The following SNX27 variants were observed in gnomAD, a reference collection of about 807,000 sequenced individuals.
SNX27 encodes the protein sorting nexin-27.
SNX27 carries 22 observed loss-of-function variants against 71.6 expected under a neutral mutation model. That is an observed-to-expected ratio of 0.31 (90% confidence interval 0.22 to 0.44). SNX27 has a LOEUF of 0.44. SNX27 is among the 20% of genes least tolerant of loss of function. SNX27 has a pLI of 1.00. For synonymous variants in SNX27, 269 were observed against 277.2 expected, an observed-to-expected ratio of 0.97 and a Z score of 0.29; for missense variants, 531 against 698.6, an observed-to-expected ratio of 0.76 and a Z score of 2.70.
intron 11 of SNX27, 118 bp downstream of exon 11, chr1:151,693,601 G>GT (rs756293705): frequency 1.5e-4 from 238 of 1,613,900 alleles, no homozygotes; most frequent in Non-Finnish European, 1.1e-4. Context: ...AGGAATATTA[G>GT]TTAGAGACTG....
intron 1 of SNX27, among the ~76,000 whole-genome samples, chr1:151,624,452 G>A (rs1456726907): frequency 4.1e-5 from 5 of 122,442 alleles, no homozygotes; most frequent in Non-Finnish European, 8.3e-5. Flanking sequence ...TTTTTTTTGC[G>A]ATGGAGTCTT....
chr1:151,694,525 C>T lies in SNX27; in HGVS notation c.*108C>T, dbSNP rs1671615915. On this transcript the variant is annotated 3_prime_UTR_variant, in exon 12 of 12. Transcript: ENST00000458013. ...AAAAAAGAAGAGAAAAAGTTAAAGTCGTTATATTCAAAAGCCCTAAACTAA... is the reference window on the plus strand; with the variant it reads ...AAAAAAGAAGAGAAAAAGTTAAAGTTGTTATATTCAAAAGCCCTAAACTAA... 12 of 1,167,102 alleles carry T rather than the reference C, an allele frequency of 1.0e-5. No individual in the cohort carries two copies. The highest frequency in any genetic ancestry group is 8.6e-5 in the Admixed American group (3 of 34,734). The allele number at this position is 1,167,102 out of a possible 1,614,324, so 72.3% of individuals were successfully genotyped here.
At chr1:151,666,066 C>A in intron 6 of SNX27, 55 bp downstream of exon 6, 1 of 1,390,024 alleles carries the variant, frequency 7.2e-7, no homozygotes, top group Non-Finnish European at 1.0e-6. Flanking sequence ...GAGAAAGAAA[C>A]ATTTACCTAG....
At chr1:151,631,541 A>G (rs1458955172) in intron 1 of SNX27, among the ~76,000 whole-genome samples, 1 of 152,216 alleles carries the variant, frequency 6.6e-6, no homozygotes, top group Admixed American at 6.5e-5. Flanking sequence ...TATAGTTTTC[A>G]TAAATATTTT....
At chr1:151,662,321 A>ATAATT in intron 5 of SNX27, 51 bp downstream of exon 5, 1 of 1,275,014 alleles carries the variant, frequency 7.8e-7, no homozygotes, top group Non-Finnish European at 1.1e-6. Context: ...GAAGCTAAGG[A>ATAATT]AGATAGATTA....
intron 10 of SNX27, 175 bp from the exon 11 acceptor site, chr1:151,693,249 A>G (rs1282705774): frequency 1.1e-6 from 1 of 901,948 alleles, no homozygotes; most frequent in Admixed American, 2.6e-5. Flanking sequence ...CGTAGTTACC[A>G]CTAGAAGGAG....
chr1:151,693,448 G>A lies in SNX27; in HGVS notation c.1543G>A (p.Glu515Lys). 1 of 1,614,130 alleles carries A rather than the reference G, an allele frequency of 6.2e-7. No individual in the cohort carries two copies. The highest frequency in any genetic ancestry group is 1.1e-5 in the South Asian group (1 of 91,084). ...PYFNYMHECF[E>K]RVFCELKWRK... is the part of the protein sequence containing the mutation. Reference sequence around the variant, plus strand: ...GTTCAATTACATGCATGAGTGCTTCGAGAGGGTGTTCTGCGAGCTCAAGTG... The same window carrying A: ...GTTCAATTACATGCATGAGTGCTTCAAGAGGGTGTTCTGCGAGCTCAAGTG... Residue 515 changes from glutamate to lysine, a missense_variant, in exon 11 of 12, where the codon GAG becomes AAG. Glu to Lys is a moderately conservative substitution (Grantham distance 56, BLOSUM62 1). Transcript: ENST00000458013.
At chr1:151,646,798 T>C (rs1451654246) in intron 2 of SNX27, among the ~76,000 whole-genome samples, 2 of 151,798 alleles carry the variant, frequency 1.3e-5, no homozygotes, top group East Asian at 3.8e-4. Context: ...TTTACCCCAC[T>C]GTAGTTATAG....
In SNX27 at chr1:151,612,215, A is replaced by T; in HGVS notation, c.14A>T (p.Asp5Val). Residue 5 changes from aspartate to valine, a missense_variant, in exon 1 of 12, where the codon GAC becomes GTC. Asp to Val is a radical substitution (Grantham distance 152). Around this residue, in one of 5 missense-constraint regions of SNX27, gnomAD observed 130 missense variants for 143.5 expected, o/e 0.91. Coordinates refer to ENST00000458013, the MANE Select transcript of SNX27 (RefSeq NM_001330723.2). This position sits in a 1 kb window ranked among gnomAD's most constrained non-coding sequence, Gnocchi z 5.2. MADE[D>V]GEGIHPSAPH... ...CCTGCTCGCAAGATGGCGGACGAGG[A>T]CGGGGAAGGGATTCATCCCTCAGCC... is the stretch of plus-strand genomic sequence containing the variant. The T allele has an allele frequency of 2.2e-6, 3 of 1,356,312 alleles. No individual in the cohort carries two copies. In the South Asian group the frequency reaches 5.2e-5, roughly 23 times the overall value. 84.0% of individuals were successfully genotyped at this position (1,356,312 alleles called of 1,614,324 possible). A position where few individuals can be genotyped will look rare whatever the true frequency, so the allele number is the denominator to read the frequency against.
chr1:151,638,119 C>T (rs558758136), intron 1 of SNX27, among the ~76,000 whole-genome samples: 1 of 152,236 alleles, frequency 6.6e-6, no homozygotes, highest in East Asian at 1.9e-4. Flanking sequence ...GCCTTTTGTA[C>T]ACAGCAAAAC....
At position 151,692,935 on chromosome 1, in the gene SNX27, G is replaced by C. The variant is rs772482362; in HGVS notation, c.1414G>C (p.Asp472His). The change falls in exon 10 of 12, where the codon GAT becomes CAT. Residue 472 changes from aspartate (D) to histidine (H), a missense_variant. This residue lies in a region of SNX27 where 157 missense variants were observed against 178.4 expected (regional missense o/e 0.88). Coordinates refer to ENST00000458013, the MANE Select transcript of SNX27 (RefSeq NM_001330723.2). Reference sequence around the variant, plus strand: ...GAACCAGGTAATTGCATTTGAATGGGATGAGATGCAGCGATGGGACACAGA... The same window carrying C: ...GAACCAGGTAATTGCATTTGAATGGCATGAGATGCAGCGATGGGACACAGA... The part of the protein sequence containing the change: ...LENQVIAFEW[D>H]EMQRWDTDEE... The C allele has an allele frequency of 6.2e-7, 1 of 1,614,156 alleles. No homozygotes were observed. The highest frequency in any genetic ancestry group is 1.1e-5 in the South Asian group (1 of 91,080).
At chr1:151,649,744 CATCCAGGCTGGAGTGCAATGGTGCAATA>C (rs1161783823) in intron 2 of SNX27, among the ~76,000 whole-genome samples, 1 of 152,110 alleles carries the variant, frequency 6.6e-6, no homozygotes, top group Non-Finnish European at 1.5e-5. Context: ...CTCACTCAGT[CATCCAGGCTGGAGTGCAATGGTGCAATA>C]ATAGCCCACT....
chr1:151,641,979 G>T (rs371149081), intron 2 of SNX27, among the ~76,000 whole-genome samples: 1 of 112,580 alleles, frequency 8.9e-6, no homozygotes, highest in African/African-American at 3.3e-5. Flanking sequence ...ATATATATCA[G>T]ATATAGATAT....
intron 1 of SNX27, among the ~76,000 whole-genome samples, chr1:151,622,480 A>AT (rs997127943): frequency 1.3e-5 from 2 of 152,084 alleles, no homozygotes; most frequent in Non-Finnish European, 2.9e-5. Flanking sequence ...AATTATCAAA[A>AT]TTTTTTTTCC....
At chr1:151,641,565 T>C (rs916528667) in intron 2 of SNX27, among the ~76,000 whole-genome samples, 1 of 139,584 alleles carries the variant, frequency 7.2e-6, no homozygotes, top group Admixed American at 7.6e-5. Context: ...GTAGGGGTTC[T>C]TTATACATTC....
Position 151,612,082 on chromosome 1 carries a change from T to C in SNX27, c.-120T>C. ...GCCAGCAGCTCGGTGGCCGAGTCGGTCCCGCGGCCGGCGGATCGGGCGCGC... is the reference window on the plus strand; with the variant it reads ...GCCAGCAGCTCGGTGGCCGAGTCGGCCCCGCGGCCGGCGGATCGGGCGCGC... On this transcript the variant is annotated 5_prime_UTR_variant, in exon 1 of 12. Coordinates refer to ENST00000458013, the MANE Select transcript of SNX27 (RefSeq NM_001330723.2). The surrounding 1 kb of genome is among the most constrained non-coding windows in gnomAD (Gnocchi z 5.2). The C allele has an allele frequency of 8.8e-7, 1 of 1,135,492 alleles. No homozygotes were observed. Among genetic ancestry groups the C allele is most frequent in the East Asian group, 3.2e-5 (1 of 31,008 alleles). The allele number at this position is 1,135,492 out of a possible 1,614,324, so 70.3% of individuals were successfully genotyped here.
intron 7 of SNX27, among the ~76,000 whole-genome samples, chr1:151,682,083 T>G (rs1670993060): frequency 6.6e-6 from 1 of 152,250 alleles, no homozygotes; most frequent in African/African-American, 2.4e-5. Context: ...TATACTGTCT[T>G]TCAGTGCTCT....
intron 6 of SNX27, 66 bp from the exon 7 acceptor site, chr1:151,668,406 A>G (rs1298780213): frequency 3.7e-5 from 53 of 1,435,670 alleles, no homozygotes; most frequent in Non-Finnish European, 4.9e-5. Flanking sequence ...TGCCTTACAT[A>G]GTTTATACTA....
At chr1:151,652,658 G>A (rs1256595251) in intron 2 of SNX27, among the ~76,000 whole-genome samples, 3 of 151,822 alleles carry the variant, frequency 2.0e-5, no homozygotes, top group South Asian at 2.1e-4. Flanking sequence ...TGATCCACCC[G>A]CCTCGACCTC....
Sources: allele counts gnomAD v4.1 joint callset (sites outside exome capture counted in the v4.1 genomes callset), GRCh38; gene constraint gnomAD v4.1.1; regional missense constraint gnomAD v4.1.1; non-coding constraint Gnocchi (gnomAD v3.1); transcripts MANE v1.5; gene names NCBI Gene and HGNC (gene_info 2026-07-23, HGNC 2026-07-21).